ZNF385D: variants seen among roughly 807,000 people sequenced by gnomAD.
The protein encoded by ZNF385D is zinc finger protein 385D, also known as zinc finger protein 659.
In ZNF385D, 15 loss-of-function variants were observed where a neutral mutation model predicts 35.8. That is an observed-to-expected ratio of 0.42 (90% confidence interval 0.28 to 0.64). ZNF385D has a LOEUF of 0.64. Among genes scored for constraint, ZNF385D ranks in the 30% least tolerant of loss-of-function variants. The pLI, the probability that ZNF385D is intolerant of heterozygous loss-of-function variation, is 0.23. For missense variants in ZNF385D, 474 were observed against 494.6 expected, an observed-to-expected ratio of 0.96 and a Z score of 0.39; for synonymous variants, 212 against 186.8, an observed-to-expected ratio of 1.13 and a Z score of -1.10.
At chr3:22,295,246 C>T (rs1026421075) in intron 2 of ZNF385D, among the ~76,000 whole-genome samples, 14 of 152,084 alleles carry the variant, frequency 9.2e-5, no homozygotes, top group African/African-American at 3.4e-4. Flanking sequence ...ACTACTAAAA[C>T]ATTCCCAATA....
At chr3:21,649,118 T>C (rs1355983000) in intron 2 of ZNF385D, among the ~76,000 whole-genome samples, 1 of 152,162 alleles carries the variant, frequency 6.6e-6, no homozygotes, top group African/African-American at 2.4e-5. Flanking sequence ...TGTGGCTTTT[T>C]TAGGAGTACA....
chr3:22,018,500 A>G (rs1697022909), intron 3 of ZNF385D, among the ~76,000 whole-genome samples: 1 of 151,914 alleles, frequency 6.6e-6, no homozygotes, highest in Non-Finnish European at 1.5e-5. Flanking sequence ...ACTTTTAACC[A>G]ATTTTTTATA....
In ZNF385D at chr3:22,005,083, A is replaced by AC. The variant is rs1394823299; in HGVS notation, c.325+163733_325+163734insG. On this transcript the variant is annotated intron_variant, in intron 3 of 5. Coordinates refer to the ZNF385D transcript ENST00000494108. ...AAAAAAAAAAAAAAAAAAAAAAAAA[A>AC]AGGCAGAAAAGCAGATAATCCCATT... Among the ~76,000 whole-genome samples, 241 of 117,340 alleles carry AC rather than the reference A, an allele frequency of 2.1e-3. 51 individuals carry two copies. The highest frequency in any genetic ancestry group is 7.6e-3 in the African/African-American group (218 of 28,708). The allele number at this position is 117,340 out of a possible 152,430, so 77.0% of individuals were successfully genotyped here. A position where few individuals can be genotyped will look rare whatever the true frequency, so the allele number is the denominator to read the frequency against.
chr3:22,252,652 G>A (rs890073359), intron 2 of ZNF385D, among the ~76,000 whole-genome samples: 3 of 152,056 alleles, frequency 2.0e-5, no homozygotes, highest in South Asian at 4.1e-4. Context: ...AGGCTGCATC[G>A]ATAGAGAAGC....
chr3:22,137,132 T>C (rs941562562), intron 3 of ZNF385D, among the ~76,000 whole-genome samples: 1 of 152,148 alleles, frequency 6.6e-6, no homozygotes, highest in Non-Finnish European at 1.5e-5. Flanking sequence ...CTGCGGTATA[T>C]AAGATCTTTC....
chr3:22,145,414 T>G (rs1330968628), intron 3 of ZNF385D, among the ~76,000 whole-genome samples: 1 of 152,192 alleles, frequency 6.6e-6, no homozygotes, highest in Non-Finnish European at 1.5e-5. Context: ...TTTGAAGAAG[T>G]CTCCTCTCTT....
intron 2 of ZNF385D, among the ~76,000 whole-genome samples, chr3:22,328,981 G>A (rs937978721): frequency 6.7e-6 from 1 of 150,236 alleles, no homozygotes; most frequent in Admixed American, 6.7e-5. Context: ...GGAGGCTGAG[G>A]CAGGAGAATG....
chr3:21,602,512 A>ATTTTTTTTTTTTTTTT lies in ZNF385D; in HGVS notation c.166-37829_166-37828insAAAAAAAAAAAAAAAA, dbSNP rs199882061. On this transcript the variant is annotated intron_variant, in intron 2 of 7. Coordinates refer to ENST00000281523, the MANE Select transcript of ZNF385D (RefSeq NM_024697.3). Reference sequence around the variant, plus strand: ...GAATTTAGGTCTCCTGTTTCCCTGCATTTTCTTTTTTTTTTTTTTTTTTTT... The same window carrying ATTTTTTTTTTTTTTTT: ...GAATTTAGGTCTCCTGTTTCCCTGCATTTTTTTTTTTTTTTTTTTTCTTTTTTTTTTTTTTTTTTTT... 3.3e-4 allele frequency among the ~76,000 whole-genome samples: 30 copies of ATTTTTTTTTTTTTTTT among 90,186 alleles called. 1 individual carries two copies. The highest frequency in any genetic ancestry group is 4.4e-4 in the Non-Finnish European group (22 of 49,922). 59.2% of individuals were successfully genotyped at this position (90,186 alleles called of 152,430 possible).
At chr3:21,459,773 T>G (rs952618774) in intron 4 of ZNF385D, among the ~76,000 whole-genome samples, 89 of 152,314 alleles carry the variant, frequency 5.8e-4, no homozygotes, top group African/African-American at 2.1e-3. Flanking sequence ...AAATTGGGCA[T>G]TCAAGAGAGA....
intron 2 of ZNF385D, among the ~76,000 whole-genome samples, chr3:22,173,994 T>C (rs1411375578): frequency 6.7e-6 from 1 of 150,254 alleles, no homozygotes; most frequent in Non-Finnish European, 1.5e-5. Flanking sequence ...TATTATCAGT[T>C]TCAATTAAGA....
At chr3:21,881,748 G>A (rs1698287651) in intron 3 of ZNF385D, among the ~76,000 whole-genome samples, 1 of 151,936 alleles carries the variant, frequency 6.6e-6, no homozygotes, top group Admixed American at 6.6e-5. Flanking sequence ...TTCTGGAAAG[G>A]ACTCATCATT....
At chr3:22,221,254 C>T (rs949827293) in intron 2 of ZNF385D, among the ~76,000 whole-genome samples, 7 of 152,078 alleles carry the variant, frequency 4.6e-5, no homozygotes, top group African/African-American at 1.4e-4. Context: ...CTAATGTCTA[C>T]AGAGAATATT....
chr3:22,062,563 T>C (rs1699746738), intron 3 of ZNF385D, among the ~76,000 whole-genome samples: 1 of 152,126 alleles, frequency 6.6e-6, no homozygotes, highest in Non-Finnish European at 1.5e-5. Context: ...CCATACATGC[T>C]ACTTTAAAAT....
chr3:22,028,993 G>A (rs1228522805), intron 3 of ZNF385D, among the ~76,000 whole-genome samples: 4 of 152,090 alleles, frequency 2.6e-5, no homozygotes, highest in Non-Finnish European at 4.4e-5. Context: ...GGGTGGAAGT[G>A]GAAGTGGCAC....
chr3:21,911,640 T>C lies in ZNF385D; in HGVS notation c.326-246612A>G, dbSNP rs147432403. Among the ~76,000 whole-genome samples, 400 of 152,012 alleles carry C rather than the reference T, an allele frequency of 2.6e-3. 2 individuals carry two copies. Among genetic ancestry groups the C allele is most frequent in the Admixed American group, 5.6e-3 (86 of 15,230 alleles). ...TCATTTTACCATTTTTATTGAGAAATAGTAGCTATATTGCAGAAGGCATAC... is the reference window on the plus strand; with the variant it reads ...TCATTTTACCATTTTTATTGAGAAACAGTAGCTATATTGCAGAAGGCATAC... On this transcript the variant is annotated intron_variant, in intron 3 of 5. Transcript: ENST00000494108.
At chr3:21,913,950 G>T (rs546291047) in intron 3 of ZNF385D, among the ~76,000 whole-genome samples, 1 of 152,188 alleles carries the variant, frequency 6.6e-6, no homozygotes, top group South Asian at 2.1e-4. Context: ...TAATCAGTTT[G>T]TATTATGTGG....
chr3:21,946,883 T>C (rs1701816078), intron 3 of ZNF385D, among the ~76,000 whole-genome samples: 1 of 152,202 alleles, frequency 6.6e-6, no homozygotes, highest in Non-Finnish European at 1.5e-5. Flanking sequence ...TTTTGAAGCA[T>C]CTTCCACAAA....
At chr3:22,359,243 C>T (rs1345830794) in intron 2 of ZNF385D, among the ~76,000 whole-genome samples, 1 of 151,472 alleles carries the variant, frequency 6.6e-6, no homozygotes, top group Non-Finnish European at 1.5e-5. Flanking sequence ...GGAATTGATT[C>T]GATTAACTTA....
rs573729855 is a variant in ZNF385D at position 22,082,973 on chromosome 3, G to T, written c.325+85844C>A. Among the ~76,000 whole-genome samples the T allele has an allele frequency of 3.9e-5, 6 of 152,302 alleles. No individual in the cohort carries two copies. The South Asian group carries it at 1.2e-3, about 32-fold the overall frequency. Reference sequence around the variant, plus strand: ...ACCTCCAGCAAACTCCAACAGACCTGCAGCTGAGGATGCTGACTGTTAGAA... The same window carrying T: ...ACCTCCAGCAAACTCCAACAGACCTTCAGCTGAGGATGCTGACTGTTAGAA... On this transcript the variant is annotated intron_variant, in intron 3 of 5. Transcript: ENST00000494108.
Sources: gnomAD v4.1 joint callset for allele counts (sites outside exome capture counted in the v4.1 genomes callset) on GRCh38, gnomAD v4.1.1 for gene constraint, MANE v1.5 for transcripts, NCBI Gene and HGNC (gene_info 2026-07-23, HGNC 2026-07-21) for gene names.